The following ATP1B2 variants were observed in gnomAD, a reference collection of about 807,000 sequenced individuals.
ATP1B2 encodes the protein sodium/potassium-transporting ATPase subunit beta-2.
Under a neutral mutation model 37.3 loss-of-function variants are expected in ATP1B2, and 12 were observed. The ratio of observed to expected loss-of-function variants is 0.32; its 90% confidence interval spans 0.21 to 0.52. The LOEUF (loss-of-function observed/expected upper bound fraction) is 0.52, where lower values mean the gene tolerates loss of function less well. Ranked by LOEUF, ATP1B2 falls within the 20% of genes least tolerant of loss-of-function variation. The pLI is 0.96. For synonymous variants in ATP1B2, 139 were observed against 140.5 expected (o/e 0.99, Z 0.07); for missense variants, 324 against 391.6 (o/e 0.83, Z 1.46).
Position 7,655,426 on chromosome 17 carries a change from T to C in ATP1B2, c.610-101T>C. 1 of 1,150,712 alleles carries C rather than the reference T, an allele frequency of 8.7e-7. No individual in the cohort carries two copies. The highest frequency in any genetic ancestry group is 1.3e-6 in the Non-Finnish European group (1 of 781,954). 71.3% of individuals were successfully genotyped at this position (1,150,712 alleles called of 1,614,324 possible). On this transcript the variant is annotated intron_variant, in intron 5 of 6. Transcript: ENST00000250111. The surrounding 1 kb of genome is among the most constrained non-coding windows in gnomAD (Gnocchi z 4.4). ...GAGGCAGACTTGAGACAGGAATAAT[T>C]GGGGCGAAGGAAGAACAAAAGAACA...
upstream of ATP1B2, among the ~76,000 whole-genome samples, chr17:7,647,676 A>C (rs1286277692): frequency 6.6e-6 from 1 of 151,974 alleles, no homozygotes; most frequent in Non-Finnish European, 1.5e-5. Flanking sequence ...AAAATTAGCC[A>C]GGCGTGGTTG....
In ATP1B2 at chr17:7,651,219, G is replaced by T. The variant is rs1429760125; in HGVS notation, c.-300G>T. 4 of 359,344 alleles carry T rather than the reference G, an allele frequency of 1.1e-5. No homozygotes were observed. The highest frequency in any genetic ancestry group is 1.6e-5 in the Non-Finnish European group (3 of 193,280). The allele number at this position is 359,344 out of a possible 1,614,324, so 22.3% of individuals were successfully genotyped here. On this transcript the variant is annotated 5_prime_UTR_variant, in exon 1 of 7. Transcript: ENST00000250111. ...TCGTTTTGTTTCTAGACGGTTTGGT[G>T]GGGGGTGAAGCTGCATTCATACCCC...
chr17:7,651,550 G>A lies in ATP1B2; in HGVS notation c.32G>A (p.Gly11Glu), dbSNP rs148161831. The A allele has an allele frequency of 1.0e-5, 16 of 1,607,034 alleles. No individual in the cohort carries two copies. In the African/African-American group the frequency reaches 1.2e-4, roughly 12 times the overall value. ...ATCCAGAAAGAGAAGAAGAGCTGCG[G>A]GCAGGTGGTTGAGGAGTGGAAGGAG... is the stretch of plus-strand genomic sequence containing the variant. MVIQKEKKSC[G>E]QVVEEWKEFV... The change falls in exon 1 of 7, where the codon GGG becomes GAG. Residue 11 changes from glycine (G) to glutamate (E), a missense_variant. Gly to Glu is a moderately conservative substitution (Grantham distance 98). Transcript: ENST00000250111.
rs1042695290 is a variant in ATP1B2 at position 7,655,132 on chromosome 17, C to G, written c.610-395C>G. Reference sequence around the variant, plus strand: ...TTGGGACCCTGTTCCCCGCTTCCCCCCCGGTCTGTCCTTTCTAGAAACTGG... The same window carrying G: ...TTGGGACCCTGTTCCCCGCTTCCCCGCCGGTCTGTCCTTTCTAGAAACTGG... On this transcript the variant is annotated intron_variant, in intron 5 of 6. Transcript: ENST00000250111. This position sits in a 1 kb window ranked among gnomAD's most constrained non-coding sequence, Gnocchi z 4.4. 6 of 323,460 alleles carry G rather than the reference C, an allele frequency of 1.9e-5. No homozygotes were observed. Among genetic ancestry groups the G allele is most frequent in the South Asian group, 1.3e-4 (3 of 23,924 alleles). 20.0% of individuals were successfully genotyped at this position (323,460 alleles called of 1,614,324 possible). A position where few individuals can be genotyped will look rare whatever the true frequency, so the allele number is the denominator to read the frequency against.
chr17:7,650,911 G>C (rs953409301), upstream of ATP1B2, among the ~76,000 whole-genome samples: 1 of 152,142 alleles, frequency 6.6e-6, no homozygotes, highest in Admixed American at 6.5e-5. Flanking sequence ...ACCGCGCTCG[G>C]CGACCGCGGG....
In ATP1B2 at chr17:7,652,357, A is replaced by T. The variant is rs572371227; in HGVS notation, c.112+727A>T. 2.9e-4 allele frequency among the ~76,000 whole-genome samples: 37 copies of T among 129,510 alleles called. No homozygotes were observed. The East Asian group carries it at 8.3e-3, about 29-fold the overall frequency. 85.0% of individuals were successfully genotyped at this position (129,510 alleles called of 152,430 possible). A position where few individuals can be genotyped will look rare whatever the true frequency, so the allele number is the denominator to read the frequency against. On this transcript the variant is annotated intron_variant, in intron 1 of 6. Transcript: ENST00000250111. The stretch of plus-strand genomic sequence containing the variant: ...TAGTGGTCGGGGGTTGGGGGGGTGG[A>T]GGGGGTCTGGTGACCGGCACAGGTG...
chr17:7,653,713 TC>T, intron 2 of ATP1B2, 127 bp from the exon 3 acceptor site: 1 of 1,246,566 alleles, frequency 8.0e-7, no homozygotes, highest in South Asian at 1.4e-5. Flanking sequence ...GAGATCACCC[TC>T]CCATGAAGAC....
chr17:7,651,972 C>T (rs868138915), intron 1 of ATP1B2, among the ~76,000 whole-genome samples: 10 of 152,278 alleles, frequency 6.6e-5, no homozygotes, highest in South Asian at 4.1e-4. Flanking sequence ...GCGCCCCTTC[C>T]CTCCCTCCGG....
chr17:7,651,698 C>T (rs972355104), intron 1 of ATP1B2, 68 bp downstream of exon 1: 4 of 1,393,210 alleles, frequency 2.9e-6, no homozygotes, highest in Non-Finnish European at 3.9e-6. Flanking sequence ...CGCAGGGTCC[C>T]GCCGACGCGG....
Position 7,651,397 on chromosome 17 carries a change from C to T in ATP1B2, c.-122C>T. On this transcript the variant is annotated 5_prime_UTR_variant, in exon 1 of 7. Coordinates refer to ENST00000250111, the MANE Select transcript of ATP1B2 (RefSeq NM_001678.5). ...CAGCAGCTGCATATCTGAGGGGGGT[C>T]TCCTTTGCCCGCGCCGCCTTCGCTC... is the stretch of plus-strand genomic sequence containing the variant. The T allele has an allele frequency of 1.2e-6, 1 of 830,500 alleles. No homozygotes were observed. The highest frequency in any genetic ancestry group is 2.1e-5 in the Admixed American group (1 of 46,596). The allele number at this position is 830,500 out of a possible 1,614,324, so 51.4% of individuals were successfully genotyped here.
rs1272015664 is a variant in ATP1B2, at chr17:7,654,212, T to C, written c.507T>C (p.Tyr169=). The C allele has an allele frequency of 3.1e-6, 5 of 1,614,144 alleles. 1 individual carries two copies. Among genetic ancestry groups the C allele is most frequent in the Admixed American group, 3.3e-5 (2 of 60,010 alleles). ...NCSGIGDSTH[Y]GYSTGQPCVF... ...CCGGCATTGGGGACTCCACCCACTATGGTTACAGCACTGGGCAGCCCTGTG... is the reference window on the plus strand; with the variant it reads ...CCGGCATTGGGGACTCCACCCACTACGGTTACAGCACTGGGCAGCCCTGTG... Residue 169 remains tyrosine, a synonymous_variant, in exon 4 of 7, where the codon TAT becomes TAC. Transcript: ENST00000250111. The surrounding 1 kb of genome is among the most constrained non-coding windows in gnomAD (Gnocchi z 4.9).
chr17:7,654,041 C>T lies in ATP1B2; in HGVS notation c.347-11C>T. The T allele has an allele frequency of 6.2e-7, 1 of 1,612,978 alleles. No individual in the cohort carries two copies. On this transcript the variant is annotated splice_polypyrimidine_tract_variant and intron_variant, in intron 3 of 6. Coordinates refer to ENST00000250111, the MANE Select transcript of ATP1B2 (RefSeq NM_001678.5). The surrounding 1 kb of genome is among the most constrained non-coding windows in gnomAD (Gnocchi z 4.9). ...ATCTGGCCCCTGAGTCTCTCCCTCC[C>T]ACCTCTTTAGCTTACAACGACTCTA...
rs1051787846 is a variant in ATP1B2 at position 7,653,903 on chromosome 17, A to G, written c.304A>G (p.Ser102Gly). The change falls in exon 3 of 7, where the codon AGC becomes GGC. Residue 102 changes from serine to glycine, a missense_variant. Transcript: ENST00000250111. ...CATTGTCAATGTCAGTGACACTGAA[A>G]GCTGGGACCAGCATGTTCAGAAGCT... ...DVIVNVSDTE[S>G]WDQHVQKLNK... 1 of 1,614,160 alleles carries G rather than the reference A, an allele frequency of 6.2e-7. No individual in the cohort carries two copies. The highest frequency in any genetic ancestry group is 8.5e-7 in the Non-Finnish European group (1 of 1,180,034).
At chr17:7,648,617 C>G (rs1176702735), upstream of ATP1B2, among the ~76,000 whole-genome samples, 1 of 145,652 alleles carries the variant, frequency 6.9e-6, no homozygotes, top group Non-Finnish European at 1.5e-5. Flanking sequence ...TTTAGTGCCT[C>G]TAAGGGCATT....
chr17:7,651,699 G>A (rs1475470745), intron 1 of ATP1B2, 69 bp downstream of exon 1: 11 of 1,375,074 alleles, frequency 8.0e-6, no homozygotes, highest in Non-Finnish European at 1.1e-5. Flanking sequence ...GCAGGGTCCC[G>A]CCGACGCGGC....
At position 7,655,552 on chromosome 17, in the gene ATP1B2, G is replaced by A. The variant is rs1247152743; in HGVS notation, c.635G>A (p.Gly212Asp). The A allele has an allele frequency of 1.2e-6, 2 of 1,614,110 alleles. No homozygotes were observed. Among genetic ancestry groups the A allele is most frequent in the African/African-American group, 1.3e-5 (1 of 75,016 alleles). ...GKRDEDAENL[G>D]NFVMFPANGN... is the part of the protein sequence containing the mutation. The stretch of plus-strand genomic sequence containing the variant: ...CGAGATGAAGATGCTGAGAATCTCG[G>A]CAACTTCGTCATGTTCCCCGCCAAC... Residue 212 changes from glycine to aspartate, a missense_variant, in exon 6 of 7, where the codon GGC (glycine) becomes GAC (aspartate). By Grantham distance (94) the Gly-to-Asp change is moderately conservative (BLOSUM62 -1). Transcript: ENST00000250111. The surrounding 1 kb of genome is among the most constrained non-coding windows in gnomAD (Gnocchi z 4.4).
At chr17:7,652,381 T>C (rs73246860) in intron 1 of ATP1B2, among the ~76,000 whole-genome samples, 2,881 of 151,278 alleles carry the variant, frequency 0.019, 94 homozygotes, top group African/African-American at 0.066. Flanking sequence ...CCGGCACAGG[T>C]GCAGGTGAGG....
upstream of ATP1B2, among the ~76,000 whole-genome samples, chr17:7,648,743 T>C (rs1216282304): frequency 1.3e-5 from 2 of 152,142 alleles, no homozygotes; most frequent in Non-Finnish European, 2.9e-5. Flanking sequence ...ATTAATTTTC[T>C]CAAAATACAG....
At chr17:7,650,543 C>G (rs1050663219), upstream of ATP1B2, among the ~76,000 whole-genome samples, 3 of 152,168 alleles carry the variant, frequency 2.0e-5, no homozygotes, top group African/African-American at 7.2e-5. Flanking sequence ...ACATTCTGCC[C>G]CATCTGCTCC....
Sources: allele counts gnomAD v4.1 joint callset (sites outside exome capture counted in the v4.1 genomes callset), GRCh38; gene constraint gnomAD v4.1.1; non-coding constraint Gnocchi (gnomAD v3.1); transcripts MANE v1.5; gene names NCBI Gene and HGNC (gene_info 2026-07-23, HGNC 2026-07-21).